DYM: variants seen among roughly 807,000 people sequenced by gnomAD.
DYM encodes dymeclin.
DYM carries 78 observed loss-of-function variants against 93.1 expected under a neutral mutation model. That is an observed-to-expected ratio of 0.84 (90% CI 0.70 to 1.01). The LOEUF (loss-of-function observed/expected upper bound fraction) is 1.01. Ranked by LOEUF, DYM falls within the 50% of genes least tolerant of loss-of-function variation. The pLI is 0.00. For synonymous variants in DYM, 321 were observed against 319.7 expected (o/e 1.00, Z -0.04); for missense variants, 789 against 845.0 (o/e 0.93, Z 0.82).
chr18:49,350,799 C>G (rs2065055686), intron 6 of DYM, among the ~76,000 whole-genome samples: 1 of 149,182 alleles, frequency 6.7e-6, no homozygotes, highest in Non-Finnish European at 1.5e-5. Flanking sequence ...GAAGATTAGA[C>G]AGTAAGGGTC....
chr18:49,440,485 T>C (rs1420949051), intron 1 of DYM, among the ~76,000 whole-genome samples: 2 of 88,858 alleles, frequency 2.3e-5, no homozygotes, highest in South Asian at 7.9e-4. Flanking sequence ...ATATATTATA[T>C]ATTTATATAA....
intron 15 of DYM, among the ~76,000 whole-genome samples, chr18:49,133,568 C>T (rs900983303): frequency 2.5e-4 from 38 of 152,304 alleles, no homozygotes; most frequent in Admixed American, 1.4e-3. Context: ...CATTCATTTC[C>T]TTGTAGCTGC....
At chr18:49,315,773 C>T (rs2061893065) in intron 8 of DYM, among the ~76,000 whole-genome samples, 1 of 151,866 alleles carries the variant, frequency 6.6e-6, no homozygotes, top group Non-Finnish European at 1.5e-5. Context: ...TTTGTTGTAC[C>T]AAAATACTCA....
chr18:49,094,682 A>G (rs1439469863), intron 17 of DYM, among the ~76,000 whole-genome samples: 1 of 152,258 alleles, frequency 6.6e-6, no homozygotes, highest in African/African-American at 2.4e-5. Context: ...ATGTCAAATA[A>G]TATTTGATTG....
chr18:49,356,737 A>G (rs2065604094), intron 6 of DYM, among the ~76,000 whole-genome samples: 2 of 152,118 alleles, frequency 1.3e-5, no homozygotes, highest in Non-Finnish European at 2.9e-5. Flanking sequence ...GTTACTACCA[A>G]ATGTTTTCAG....
chr18:49,277,987 T>C (rs112840917), intron 10 of DYM, among the ~76,000 whole-genome samples: 5 of 152,146 alleles, frequency 3.3e-5, no homozygotes, highest in Admixed American at 3.3e-4. Context: ...GAGGAAGTTG[T>C]AGGAACAGAT....
intron 10 of DYM, among the ~76,000 whole-genome samples, chr18:49,277,896 A>G (rs1011387660): frequency 2.0e-5 from 3 of 152,258 alleles, no homozygotes; most frequent in Non-Finnish European, 4.4e-5. Context: ...AAAGAGATGA[A>G]CAGTGTCATG....
intron 17 of DYM, among the ~76,000 whole-genome samples, chr18:49,091,417 T>C (rs1403976015): frequency 1.3e-5 from 2 of 152,090 alleles, no homozygotes; most frequent in Non-Finnish European, 2.9e-5. Flanking sequence ...TTTCATTTGC[T>C]CATGAGAGTA....
chr18:49,379,482 T>A (rs767509905), intron 4 of DYM, among the ~76,000 whole-genome samples, 183 bp downstream of exon 4: 2 of 152,164 alleles, frequency 1.3e-5, no homozygotes, highest in Non-Finnish European at 2.9e-5. Flanking sequence ...GATTCCCGAA[T>A]CTATAATCTC....
At chr18:49,354,690 A>G (rs969764691) in intron 6 of DYM, among the ~76,000 whole-genome samples, 6 of 152,132 alleles carry the variant, frequency 3.9e-5, no homozygotes, top group African/African-American at 1.4e-4. Context: ...GCTCAACATC[A>G]TATGTCATTA....
chr18:49,383,831 G>A (rs777535810), intron 3 of DYM, among the ~76,000 whole-genome samples: 3 of 152,192 alleles, frequency 2.0e-5, no homozygotes, highest in African/African-American at 4.8e-5. Context: ...ATAAATATGT[G>A]TTAGTTTAAT....
intron 13 of DYM, among the ~76,000 whole-genome samples, chr18:49,250,020 A>G (rs1445964775): frequency 6.6e-6 from 1 of 152,256 alleles, no homozygotes; most frequent in African/African-American, 2.4e-5. Context: ...TGTCTAAAGC[A>G]TCTTATGGAC....
chr18:49,387,353 C>T (rs1485704310), intron 3 of DYM, among the ~76,000 whole-genome samples: 5 of 152,022 alleles, frequency 3.3e-5, no homozygotes, highest in Admixed American at 6.6e-5. Flanking sequence ...CTCGGCTCAC[C>T]GCAACCTCTG....
At chr18:49,184,224 A>G (rs1353098060) in intron 14 of DYM, among the ~76,000 whole-genome samples, 1 of 130,628 alleles carries the variant, frequency 7.7e-6, no homozygotes, top group Non-Finnish European at 1.7e-5. Context: ...GAAAAACAAA[A>G]AAACAAAAAA....
At chr18:49,436,855 T>C (rs2080903489) in intron 1 of DYM, among the ~76,000 whole-genome samples, 1 of 152,184 alleles carries the variant, frequency 6.6e-6, no homozygotes, top group African/African-American at 2.4e-5. Flanking sequence ...ATCATAACAA[T>C]TTGTTCTCAG....
chr18:49,079,185 A>G (rs1354232613), intron 17 of DYM, among the ~76,000 whole-genome samples: 24 of 152,126 alleles, frequency 1.6e-4, no homozygotes, highest in Admixed American at 1.4e-3. Flanking sequence ...ATGTTCATGC[A>G]TTAAAAACAT....
chr18:49,256,524 A>C (rs2094396869), intron 13 of DYM, among the ~76,000 whole-genome samples: 1 of 152,200 alleles, frequency 6.6e-6, no homozygotes, highest in African/African-American at 2.4e-5. Flanking sequence ...AGTGAGACCC[A>C]CAGTGGACTT....
rs2074691945 is a variant in DYM, at chr18:49,430,323, T to C, written c.72A>G (p.Glu24=). 1 of 1,614,086 alleles carries C rather than the reference T, an allele frequency of 6.2e-7. No homozygotes were observed. Among genetic ancestry groups the C allele is most frequent in the Non-Finnish European group, 8.5e-7 (1 of 1,180,002 alleles). ...NEYLKKLSGT[E]SISENDPFWN... Reference sequence around the variant, plus strand: ...AGAACGGGTCATTCTCAGAGATAGATTCCGTGCCTGATAACTTTTTCAAGT... The same window carrying C: ...AGAACGGGTCATTCTCAGAGATAGACTCCGTGCCTGATAACTTTTTCAAGT... The change falls in exon 2 of 18, where the codon GAA becomes GAG. Residue 24 remains glutamate (E), a synonymous_variant. Coordinates refer to ENST00000675505, the MANE Select transcript of DYM (RefSeq NM_001353214.3).
intron 10 of DYM, among the ~76,000 whole-genome samples, chr18:49,280,940 A>C (rs1483033207): frequency 1.3e-5 from 2 of 152,372 alleles, no homozygotes; most frequent in Non-Finnish European, 2.9e-5. Context: ...ACAAAAGCCA[A>C]AATTGACAAA....
Sources: gnomAD v4.1 joint callset for allele counts (sites outside exome capture counted in the v4.1 genomes callset) on GRCh38, gnomAD v4.1.1 for gene constraint, MANE v1.5 for transcripts, NCBI Gene and HGNC (gene_info 2026-07-23, HGNC 2026-07-21) for gene names.